Variants in MB21D2 observed in about 807,000 individuals in gnomAD.
MB21D2 encodes Mab-21 domain containing 2, also known as nucleotidyltransferase MB21D2.
A neutral mutation model predicts 33.3 loss-of-function variants in MB21D2; 9 were observed. The observed-to-expected ratio is 0.27, with a 90% CI of 0.16 to 0.47. The LOEUF is 0.47. MB21D2 is among the 20% of genes least tolerant of loss of function. The pLI is 0.99. For synonymous variants in MB21D2, 241 were observed against 236.3 expected, an observed-to-expected ratio of 1.02 and a Z score of -0.18; for missense variants, 540 against 624.6, an observed-to-expected ratio of 0.86 and a Z score of 1.44.
intron 1 of MB21D2, among the ~76,000 whole-genome samples, chr3:192,896,111 C>A (rs1713967368): frequency 6.6e-6 from 1 of 152,186 alleles, no homozygotes; most frequent in South Asian, 2.1e-4. Flanking sequence ...TTAATCCTTA[C>A]AACAACCCTA....
intron 1 of MB21D2, among the ~76,000 whole-genome samples, chr3:192,807,973 G>A (rs914765811): frequency 1.3e-5 from 2 of 151,976 alleles, no homozygotes; most frequent in African/African-American, 2.4e-5. Flanking sequence ...GGGGCGGGAG[G>A]GATTGGGGGC....
chr3:192,798,187 A>T lies in MB21D2; in HGVS notation c.*199T>A. The stretch of plus-strand genomic sequence containing the variant: ...ATGACAATAACTACAAAAAGTAAAC[A>T]ACGAAATCAGAGGCAGAATATGAAA... On this transcript the variant is annotated 3_prime_UTR_variant, in exon 2 of 2. Transcript: ENST00000392452. The surrounding 1 kb of genome is among the most constrained non-coding windows in gnomAD (Gnocchi z 4.8). 1 of 578,558 alleles carries T rather than the reference A, an allele frequency of 1.7e-6. No homozygotes were observed. Among genetic ancestry groups the T allele is most frequent in the Non-Finnish European group, 2.9e-6 (1 of 341,150 alleles). 35.8% of individuals were successfully genotyped at this position (578,558 alleles called of 1,614,324 possible). A position where few individuals can be genotyped will look rare whatever the true frequency, so the allele number is the denominator to read the frequency against.
At chr3:192,812,191 A>G (rs912361169) in intron 1 of MB21D2, among the ~76,000 whole-genome samples, 111 of 151,930 alleles carry the variant, frequency 7.3e-4, no homozygotes, top group African/African-American at 2.5e-3. Flanking sequence ...GGGACTACAG[A>G]TGTGCGCCAC....
At chr3:192,896,435 C>T (rs949132855) in intron 1 of MB21D2, among the ~76,000 whole-genome samples, 1 of 84,550 alleles carries the variant, frequency 1.2e-5, no homozygotes, top group Non-Finnish European at 2.6e-5. Flanking sequence ...TACACTGCAA[C>T]TTCGACCTCT....
intron 1 of MB21D2, among the ~76,000 whole-genome samples, chr3:192,816,554 T>C (rs1047296699): frequency 2.0e-5 from 3 of 152,190 alleles, no homozygotes; most frequent in Admixed American, 6.5e-5. Flanking sequence ...TTAAAATTAA[T>C]ACCTGATTTT....
intron 1 of MB21D2, among the ~76,000 whole-genome samples, chr3:192,820,170 G>C (rs1712012808): frequency 6.6e-6 from 1 of 152,140 alleles, no homozygotes; most frequent in Non-Finnish European, 1.5e-5. Flanking sequence ...CAGCAAGTCA[G>C]AGCTAAGATG....
intron 1 of MB21D2, among the ~76,000 whole-genome samples, chr3:192,840,549 A>G (rs1415009484): frequency 6.6e-6 from 1 of 151,300 alleles, no homozygotes; most frequent in Non-Finnish European, 1.5e-5. Context: ...TAGAAAACTC[A>G]GAGACTGTTC....
intron 1 of MB21D2, among the ~76,000 whole-genome samples, chr3:192,896,201 C>G (rs147054490): frequency 6.0e-4 from 92 of 152,162 alleles, no homozygotes; most frequent in African/African-American, 1.8e-3. Flanking sequence ...TTCTTTTATC[C>G]CTGTTACAAT....
intron 1 of MB21D2, among the ~76,000 whole-genome samples, chr3:192,813,159 G>A (rs1349975282): frequency 1.3e-5 from 2 of 152,164 alleles, no homozygotes; most frequent in Non-Finnish European, 2.9e-5. Context: ...TGATAATTTA[G>A]AAGCTGAAGG....
intron 1 of MB21D2, among the ~76,000 whole-genome samples, chr3:192,830,379 C>T (rs537113770): frequency 3.3e-5 from 5 of 152,080 alleles, no homozygotes; most frequent in Middle Eastern, 3.4e-3. Flanking sequence ...GGTTCCATTC[C>T]GCACCCCCAC....
intron 1 of MB21D2, among the ~76,000 whole-genome samples, chr3:192,876,061 CA>C (rs1216995597): frequency 2.0e-5 from 3 of 152,116 alleles, no homozygotes; most frequent in East Asian, 3.8e-4. Flanking sequence ...GGTCCCTTGC[CA>C]AACCACAAAT....
At position 192,866,351 on chromosome 3, in the gene MB21D2, G is replaced by A. The variant is rs139714229; in HGVS notation, c.211+51279C>T. The stretch of plus-strand genomic sequence containing the variant: ...ACTGGCAAAGTCTCTTTAATTTGCT[G>A]GGATTAAAAAAACAAAAGAACATCA... On this transcript the variant is annotated intron_variant, in intron 1 of 1. Transcript: ENST00000392452. Among the ~76,000 whole-genome samples, 798 of 152,088 alleles carry A rather than the reference G, an allele frequency of 5.2e-3. 7 individuals carry two copies. Among genetic ancestry groups the A allele is most frequent in the African/African-American group, 0.018 (762 of 41,458 alleles).
intron 1 of MB21D2, among the ~76,000 whole-genome samples, chr3:192,876,151 T>A (rs1713422706): frequency 6.6e-6 from 1 of 152,150 alleles, no homozygotes; most frequent in Admixed American, 6.6e-5. Context: ...GTCAGTAAAA[T>A]TCCTCGGATG....
intron 1 of MB21D2, among the ~76,000 whole-genome samples, chr3:192,854,640 T>C (rs954754307): frequency 6.6e-6 from 1 of 152,224 alleles, no homozygotes; most frequent in Non-Finnish European, 1.5e-5. Context: ...GCAACTTCCA[T>C]AGTTTGAGAG....
intron 1 of MB21D2, among the ~76,000 whole-genome samples, chr3:192,872,693 A>C (rs1313522754): frequency 6.6e-6 from 1 of 152,168 alleles, no homozygotes; most frequent in Non-Finnish European, 1.5e-5. Context: ...TATGAAACAG[A>C]ATCAGGTTCT....
chr3:192,910,073 G>A (rs1714312853), intron 1 of MB21D2, among the ~76,000 whole-genome samples: 1 of 151,626 alleles, frequency 6.6e-6, no homozygotes, highest in African/African-American at 2.4e-5. Flanking sequence ...ACAGGAGGCG[G>A]CATGGAAAGG....
chr3:192,820,857 T>TG (rs1178111370), intron 1 of MB21D2, among the ~76,000 whole-genome samples: 1 of 152,114 alleles, frequency 6.6e-6, no homozygotes, highest in Non-Finnish European at 1.5e-5. Flanking sequence ...CTCAAACTCT[T>TG]GGGCTCAAGC....
chr3:192,816,684 G>A (rs927131628), intron 1 of MB21D2, among the ~76,000 whole-genome samples: 8 of 152,186 alleles, frequency 5.3e-5, no homozygotes, highest in African/African-American at 1.7e-4. Context: ...TCGTTGGTAA[G>A]ATTCACAGCT....
At position 192,870,741 on chromosome 3, in the gene MB21D2, A is replaced by AGAG. The variant is rs1267486195; in HGVS notation, c.211+46888_211+46889insCTC. ...AAAAGGAAGGAGAGAAGAAGGAAGGAAGGAAGGAAGATTGCAAAGGCTAAC... is the reference window on the plus strand; with the variant it reads ...AAAAGGAAGGAGAGAAGAAGGAAGGAGAGAGGAAGGAAGATTGCAAAGGCTAAC... On this transcript the variant is annotated intron_variant, in intron 1 of 1. Transcript: ENST00000392452. 6.5e-5 allele frequency among the ~76,000 whole-genome samples: 9 copies of AGAG among 137,646 alleles called. No homozygotes were observed. In the East Asian group the frequency reaches 1.1e-3, roughly 16 times the overall value. The allele number at this position is 137,646 out of a possible 152,430, so 90.3% of individuals were successfully genotyped here.
Sources: gnomAD v4.1 joint callset for allele counts (sites outside exome capture counted in the v4.1 genomes callset) on GRCh38, gnomAD v4.1.1 for gene constraint, Gnocchi (gnomAD v3.1) non-coding constraint, MANE v1.5 for transcripts, NCBI Gene and HGNC (gene_info 2026-07-23, HGNC 2026-07-21) for gene names.